The following METTL15 variants were observed in gnomAD, a reference collection of about 807,000 sequenced individuals.
METTL15 encodes 12S rRNA N(4)-cytidine methyltransferase METTL15.
METTL15 carries 34 observed loss-of-function variants against 38.3 expected under a neutral mutation model. The observed-to-expected ratio is 0.89, with a 90% confidence interval of 0.68 to 1.18. The LOEUF (loss-of-function observed/expected upper bound fraction) is 1.18, where lower values mean the gene tolerates loss of function less well. METTL15 is among the 50% of genes most tolerant of loss of function. The pLI is 0.00. For missense variants in METTL15, 438 were observed against 498.4 expected, an observed-to-expected ratio of 0.88 and a Z score of 1.15; for synonymous variants, 162 against 170.9, an observed-to-expected ratio of 0.95 and a Z score of 0.41.
chr11:28,462,472 A>G (rs533504262), intron 6 of METTL15, among the ~76,000 whole-genome samples: 1 of 133,828 alleles, frequency 7.5e-6, no homozygotes, highest in East Asian at 2.4e-4. Flanking sequence ...CTGCAAGCAT[A>G]CACGCTTACA....
At chr11:28,502,960 G>A (rs988611971) in intron 6 of METTL15, among the ~76,000 whole-genome samples, 1 of 152,136 alleles carries the variant, frequency 6.6e-6, no homozygotes, top group Non-Finnish European at 1.5e-5. Context: ...GTCAAAACAG[G>A]TCAAGTTATG....
intron 3 of METTL15, among the ~76,000 whole-genome samples, chr11:28,174,826 A>T (rs993143586): frequency 1.1e-4 from 16 of 146,538 alleles, no homozygotes; most frequent in African/African-American, 2.7e-4. Context: ...AAAAAAAAAA[A>T]AAAACATAAA....
At chr11:28,419,634 A>T (rs751327107) in intron 5 of METTL15, among the ~76,000 whole-genome samples, 1 of 152,144 alleles carries the variant, frequency 6.6e-6, no homozygotes, top group Non-Finnish European at 1.5e-5. Context: ...CATCAATATC[A>T]TCCAGGAAAA....
intron 4 of METTL15, among the ~76,000 whole-genome samples, chr11:28,250,887 T>C (rs773410267): frequency 2.4e-4 from 37 of 151,956 alleles, no homozygotes; most frequent in Non-Finnish European, 4.0e-4. Flanking sequence ...ATTTGAGCCC[T>C]TTTTTTCCCC....
At chr11:28,337,449 C>G (rs1261518294), downstream of METTL15, among the ~76,000 whole-genome samples, 5 of 151,994 alleles carry the variant, frequency 3.3e-5, no homozygotes, top group African/African-American at 7.3e-5. Context: ...AATCAACAAT[C>G]AAGCAATCCT....
intron 6 of METTL15, among the ~76,000 whole-genome samples, chr11:28,320,110 T>A (rs1421762051): frequency 6.6e-6 from 1 of 152,042 alleles, no homozygotes; most frequent in African/African-American, 2.4e-5. Flanking sequence ...ACATTGTGGG[T>A]AATAAATTTT....
chr11:28,113,605 G>A lies in METTL15; in HGVS notation c.270+1G>A, dbSNP rs367994233. The stretch of plus-strand genomic sequence containing the variant: ...TTGTTTGTCACCACAAAAAGGACAG[G>A]TGAGTTGAATTTTTATTTTTTAGCA... On this transcript the variant is annotated splice_donor_variant, in intron 3 of 6. Coordinates refer to ENST00000407364, the MANE Select transcript of METTL15 (RefSeq NM_001113528.2). LOFTEE classifies it high-confidence loss of function. 12 of 1,600,300 alleles carry A rather than the reference G, an allele frequency of 7.5e-6. No individual in the cohort carries two copies. The highest frequency in any genetic ancestry group is 9.4e-6 in the Non-Finnish European group (11 of 1,174,010).
intron 6 of METTL15, among the ~76,000 whole-genome samples, chr11:28,523,082 G>C (rs1851777517): frequency 6.6e-6 from 1 of 152,150 alleles, no homozygotes; most frequent in South Asian, 2.1e-4. Context: ...TAAACCAATA[G>C]TTGTTTAAAT....
chr11:28,528,925 G>A (rs1375724172), downstream of METTL15, among the ~76,000 whole-genome samples: 1 of 152,122 alleles, frequency 6.6e-6, no homozygotes, highest in Non-Finnish European at 1.5e-5. Flanking sequence ...GCCCTGTAGA[G>A]AAACAAAATG....
At chr11:28,133,696 A>G (rs1362763961) in intron 3 of METTL15, among the ~76,000 whole-genome samples, 2 of 152,086 alleles carry the variant, frequency 1.3e-5, no homozygotes, top group Non-Finnish European at 2.9e-5. Flanking sequence ...GCCTATGTAG[A>G]GTGGAATTGA....
chr11:28,397,062 C>T (rs1421168938), intron 5 of METTL15, among the ~76,000 whole-genome samples: 5 of 152,092 alleles, frequency 3.3e-5, no homozygotes, highest in Admixed American at 1.3e-4. Context: ...AACTGGATCC[C>T]TTCCTTACAC....
At position 28,209,001 on chromosome 11, in the gene METTL15, T is replaced by C. The variant is rs181201313; in HGVS notation, c.271-2061T>C. 3.3e-5 allele frequency among the ~76,000 whole-genome samples: 5 copies of C among 152,102 alleles called. No individual in the cohort carries two copies. The East Asian group carries it at 9.7e-4, about 29-fold the overall frequency. ...TTCCATTTGTCTGCCACTTTTTGGT[T>C]TCTGTGTTACACTTGACTGGTAGTA... is the stretch of plus-strand genomic sequence containing the variant. On this transcript the variant is annotated intron_variant, in intron 3 of 6. Coordinates refer to ENST00000407364, the MANE Select transcript of METTL15 (RefSeq NM_001113528.2).
intron 4 of METTL15, among the ~76,000 whole-genome samples, chr11:28,220,877 T>A (rs562814305): frequency 5.9e-5 from 9 of 152,342 alleles, no homozygotes; most frequent in African/African-American, 2.2e-4. Context: ...TTTAAGAATG[T>A]TGAATATTGG....
chr11:28,112,257 C>A (rs1265931951), intron 2 of METTL15, among the ~76,000 whole-genome samples: 1 of 152,226 alleles, frequency 6.6e-6, no homozygotes, highest in Admixed American at 6.5e-5. Flanking sequence ...GGATTGATAA[C>A]AATGCTAATT....
At chr11:28,531,721 T>G (rs1016851471), downstream of METTL15, among the ~76,000 whole-genome samples, 1 of 152,118 alleles carries the variant, frequency 6.6e-6, no homozygotes, top group Non-Finnish European at 1.5e-5. Flanking sequence ...TAACTGTTAT[T>G]AAATTAAAAT....
intron 3 of METTL15, chr11:28,163,448 C>A: frequency 2.5e-6 from 1 of 398,062 alleles, no homozygotes; most frequent in Non-Finnish European, 4.4e-6. Context: ...CAAATTTTTC[C>A]TCTTGTAACT....
intron 3 of METTL15, among the ~76,000 whole-genome samples, chr11:28,201,169 T>A (rs995290368): frequency 1.3e-4 from 20 of 152,184 alleles, no homozygotes; most frequent in Admixed American, 3.9e-4. Flanking sequence ...GAGATAATCA[T>A]GTGGTTTTTG....
intron 4 of METTL15, among the ~76,000 whole-genome samples, chr11:28,238,204 C>T (rs1219676639): frequency 6.6e-6 from 1 of 152,324 alleles, no homozygotes. Context: ...GCCCTGCCCC[C>T]AGAGGTGGAG....
intron 5 of METTL15, among the ~76,000 whole-genome samples, chr11:28,379,126 TG>T (rs1346001301): frequency 6.6e-6 from 1 of 152,060 alleles, no homozygotes; most frequent in Non-Finnish European, 1.5e-5. Flanking sequence ...CCTCCCTAAA[TG>T]TTTGTTGATT....
Sources: allele counts gnomAD v4.1 joint callset (sites outside exome capture counted in the v4.1 genomes callset), GRCh38; gene constraint gnomAD v4.1.1; transcripts MANE v1.5; gene names NCBI Gene and HGNC (gene_info 2026-07-23, HGNC 2026-07-21).